Variants in TRIM62 observed in about 807,000 individuals in gnomAD.
TRIM62 encodes tripartite motif containing 62, also known as E3 ubiquitin-protein ligase TRIM62.
TRIM62 carries 39 observed loss-of-function variants against 44.2 expected under a neutral mutation model. The ratio of observed to expected loss-of-function variants is 0.88; its 90% confidence interval spans 0.68 to 1.15. TRIM62 has a LOEUF of 1.15. Among genes scored for constraint, TRIM62 ranks in the 50% most tolerant of loss-of-function variants. TRIM62 has a pLI of 0.00. For synonymous variants in TRIM62, 278 were observed against 292.3 expected (o/e 0.95, Z 0.50); for missense variants, 544 against 665.5 (o/e 0.82, Z 2.01).
In TRIM62 at chr1:33,165,316, T is replaced by C; in HGVS notation, c.504+155A>G. 1.6e-6 allele frequency: 1 copy of C among 630,060 alleles called. No individual in the cohort carries two copies. The highest frequency in any genetic ancestry group is 2.7e-6 in the Non-Finnish European group (1 of 372,568). 39.0% of individuals were successfully genotyped at this position (630,060 alleles called of 1,614,324 possible). On this transcript the variant is annotated intron_variant, in intron 2 of 4. Coordinates refer to ENST00000291416, the MANE Select transcript of TRIM62 (RefSeq NM_018207.3). This position sits in a 1 kb window ranked among gnomAD's most constrained non-coding sequence, Gnocchi z 4.0. ...GAACTTCACGGATGCCCTACCCTCT[T>C]CCCCACCCTGCCCTTCTCACTCCAG...
In TRIM62 at chr1:33,146,096, AAC is replaced by A; in HGVS notation, c.*1079_*1080del. 3.2e-6 allele frequency: 1 copy of A among 315,602 alleles called. No individual in the cohort carries two copies. The highest frequency in any genetic ancestry group is 6.3e-6 in the Non-Finnish European group (1 of 158,678). 19.6% of individuals were successfully genotyped at this position (315,602 alleles called of 1,614,324 possible). A position where few individuals can be genotyped will look rare whatever the true frequency, so the allele number is the denominator to read the frequency against. On this transcript the variant is annotated 3_prime_UTR_variant, in exon 5 of 5. Coordinates refer to ENST00000291416, the MANE Select transcript of TRIM62 (RefSeq NM_018207.3). Reference sequence around the variant, plus strand: ...AGATGGGGGCAGCTTTCCTGGTCACAACAGACATGATGAATCTGGCGCTGGGA... The same window carrying A: ...AGATGGGGGCAGCTTTCCTGGTCACAAGACATGATGAATCTGGCGCTGGGA...
intron 1 of TRIM62, among the ~76,000 whole-genome samples, chr1:33,180,729 C>T (rs982381315): frequency 6.6e-6 from 1 of 152,224 alleles, no homozygotes; most frequent in Middle Eastern, 3.2e-3. Flanking sequence ...TTGTTTCCGC[C>T]ATCCCATCCG....
At position 33,159,122 on chromosome 1, in the gene TRIM62, G is replaced by T. The variant is rs540746653; in HGVS notation, c.761+566C>A. Among the ~76,000 whole-genome samples the T allele has an allele frequency of 6.6e-6, 1 of 152,200 alleles. No homozygotes were observed. The highest frequency in any genetic ancestry group is 6.5e-5 in the Admixed American group (1 of 15,284). ...GGCCTCCCAAAGTGCTGGGATTACA[G>T]GTGTGAGCCACCGTGCCCAGCAGGA... is the stretch of plus-strand genomic sequence containing the variant. On this transcript the variant is annotated intron_variant, in intron 3 of 4. Coordinates refer to ENST00000291416, the MANE Select transcript of TRIM62 (RefSeq NM_018207.3). This position sits in a 1 kb window ranked among gnomAD's most constrained non-coding sequence, Gnocchi z 4.2.
At chr1:33,180,977 A>T (rs1371831185) in intron 1 of TRIM62, 48 bp downstream of exon 1, 6 of 187,378 alleles carry the variant, frequency 3.2e-5, no homozygotes, top group Non-Finnish European at 4.2e-5. Flanking sequence ...GCCCGGCCCC[A>T]CCTCCAGCCC....
intron 4 of TRIM62, among the ~76,000 whole-genome samples, chr1:33,155,235 C>T (rs1278426189): frequency 6.6e-6 from 1 of 151,664 alleles, no homozygotes; most frequent in East Asian, 2.0e-4. Context: ...CCATGCCTGG[C>T]TAATTTTTGT....
In TRIM62 at chr1:33,181,722, T is replaced by G; in HGVS notation, c.-290A>C. The G allele has an allele frequency of 2.3e-6, 1 of 426,450 alleles. No individual in the cohort carries two copies. The highest frequency in any genetic ancestry group is 4.2e-6 in the Non-Finnish European group (1 of 239,416). The allele number at this position is 426,450 out of a possible 1,614,324, so 26.4% of individuals were successfully genotyped here. Reference sequence around the variant, plus strand: ...GCTGTGAGCGGCTGAGGGACGGAGATCCTGACGGGGAGGTTCTAGGGGGCG... The same window carrying G: ...GCTGTGAGCGGCTGAGGGACGGAGAGCCTGACGGGGAGGTTCTAGGGGGCG... On this transcript the variant is annotated 5_prime_UTR_variant, in exon 1 of 5. Coordinates refer to ENST00000291416, the MANE Select transcript of TRIM62 (RefSeq NM_018207.3). This position sits in a 1 kb window ranked among gnomAD's most constrained non-coding sequence, Gnocchi z 6.5.
chr1:33,171,370 C>T (rs1645373624), intron 1 of TRIM62, among the ~76,000 whole-genome samples: 1 of 152,154 alleles, frequency 6.6e-6, no homozygotes, highest in Non-Finnish European at 1.5e-5. Flanking sequence ...TTAGTAGTGT[C>T]TTTATTGCGT....
chr1:33,177,804 C>T lies in TRIM62; in HGVS notation c.408+3221G>A, dbSNP rs1645433879. On this transcript the variant is annotated intron_variant, in intron 1 of 4. Transcript: ENST00000291416. The surrounding 1 kb of genome is among the most constrained non-coding windows in gnomAD (Gnocchi z 4.1). Reference sequence around the variant, plus strand: ...TCAATAATGCCGAGTACGATGTAACCTACTATAGCTGTCATTTATTGAGTG... The same window carrying T: ...TCAATAATGCCGAGTACGATGTAACTTACTATAGCTGTCATTTATTGAGTG... Among the ~76,000 whole-genome samples the T allele has an allele frequency of 6.6e-6, 1 of 152,154 alleles. No homozygotes were observed. Among genetic ancestry groups the T allele is most frequent in the Non-Finnish European group, 1.5e-5 (1 of 68,028 alleles).
chr1:33,172,030 C>T (rs1445451227), intron 1 of TRIM62, among the ~76,000 whole-genome samples: 2 of 152,136 alleles, frequency 1.3e-5, no homozygotes, highest in African/African-American at 4.8e-5. Flanking sequence ...GATCTGCCTA[C>T]CTTGGCCTCC....
intron 4 of TRIM62, among the ~76,000 whole-genome samples, chr1:33,149,675 G>A (rs931385973): frequency 6.6e-6 from 1 of 152,048 alleles, no homozygotes; most frequent in African/African-American, 2.4e-5. Context: ...GGCTGGTCTC[G>A]AACTCCTGGC....
At chr1:33,148,674 A>G (rs190776168) in intron 4 of TRIM62, among the ~76,000 whole-genome samples, 4 of 152,364 alleles carry the variant, frequency 2.6e-5, no homozygotes, top group Admixed American at 2.0e-4. Flanking sequence ...GTATGTATCT[A>G]TGTACATATA....
Position 33,181,181 on chromosome 1 carries a change from G to A in TRIM62, c.252C>T (p.Leu84=). Residue 84 remains leucine (L), a synonymous_variant, in exon 1 of 5, where the codon CTC becomes CTT. Transcript: ENST00000291416. This position sits in a 1 kb window ranked among gnomAD's most constrained non-coding sequence, Gnocchi z 6.5. ...RYSSFPLDAI[L]NARRAARPCQ... is the part of the protein sequence containing the mutation. ...AGGGTCGCGCGGCGCGGCGCGCGTT[G>A]AGGATGGCGTCCAGCGGGAAGGAGC... The A allele has an allele frequency of 6.3e-7, 1 of 1,595,314 alleles. No individual in the cohort carries two copies. Among genetic ancestry groups the A allele is most frequent in the Non-Finnish European group, 8.5e-7 (1 of 1,176,228 alleles).
Position 33,167,494 on chromosome 1 carries a change from G to C in TRIM62, c.409-1928C>G, listed in dbSNP as rs1645338997. ...ATTATCGCCAGTTGTTCTCCTGTCT[G>C]TCTCTTCTTCGTCCCCGTATTGGCC... On this transcript the variant is annotated intron_variant, in intron 1 of 4. Transcript: ENST00000291416. This position sits in a 1 kb window ranked among gnomAD's most constrained non-coding sequence, Gnocchi z 4.2. Among the ~76,000 whole-genome samples the C allele has an allele frequency of 6.6e-6, 1 of 152,186 alleles. No individual in the cohort carries two copies. Among genetic ancestry groups the C allele is most frequent in the African/African-American group, 2.4e-5 (1 of 41,446 alleles).
At position 33,147,154 on chromosome 1, in the gene TRIM62, G is replaced by A. The variant is rs550590243; in HGVS notation, c.*23C>T. ...TTGCAGGTGGCAGTGGTCCCAGGAG[G>A]TTGTGGTCTCCTTCTGCCTGGACTA... On this transcript the variant is annotated 3_prime_UTR_variant, in exon 5 of 5. Transcript: ENST00000291416. This position sits in a 1 kb window ranked among gnomAD's most constrained non-coding sequence, Gnocchi z 8.1. The A allele has an allele frequency of 5.6e-6, 9 of 1,607,466 alleles. No individual in the cohort carries two copies. The South Asian group carries it at 6.6e-5, about 12-fold the overall frequency.
At chr1:33,151,267 A>G (rs1456879834) in intron 4 of TRIM62, among the ~76,000 whole-genome samples, 2 of 152,076 alleles carry the variant, frequency 1.3e-5, no homozygotes, top group Non-Finnish European at 2.9e-5. Context: ...GGATGGGTAC[A>G]GGGCCTGCCA....
chr1:33,161,717 C>T lies in TRIM62; in HGVS notation c.505-1773G>A, dbSNP rs1645270814. ...GATGGGGAAGATGGGGTCCGTCGTC[C>T]CTGCACCACCTGGAGCTGCCCTCCA... On this transcript the variant is annotated intron_variant, in intron 2 of 4. Coordinates refer to ENST00000291416, the MANE Select transcript of TRIM62 (RefSeq NM_018207.3). The surrounding 1 kb of genome is among the most constrained non-coding windows in gnomAD (Gnocchi z 4.3). Among the ~76,000 whole-genome samples, 1 of 152,156 alleles carries T rather than the reference C, an allele frequency of 6.6e-6. No individual in the cohort carries two copies. The highest frequency in any genetic ancestry group is 1.5e-5 in the Non-Finnish European group (1 of 68,018).
At chr1:33,149,023 ACCT>A (rs1279800803) in intron 4 of TRIM62, among the ~76,000 whole-genome samples, 2 of 151,926 alleles carry the variant, frequency 1.3e-5, no homozygotes, top group Non-Finnish European at 2.9e-5. Context: ...GGTTCCCTCC[ACCT>A]CCTCCTCTCT....
intron 3 of TRIM62, among the ~76,000 whole-genome samples, chr1:33,158,837 CT>C (rs998118373): frequency 1.3e-5 from 2 of 150,442 alleles, no homozygotes; most frequent in African/African-American, 4.9e-5. Context: ...CAGTTTTTTT[CT>C]TTTTTTTCTT....
intron 4 of TRIM62, among the ~76,000 whole-genome samples, chr1:33,155,541 T>C (rs919682236): frequency 2.0e-5 from 3 of 152,120 alleles, no homozygotes; most frequent in African/African-American, 7.2e-5. Flanking sequence ...GGTCAGAGAA[T>C]GGCCAGTGAG....
Sources: allele counts gnomAD v4.1 joint callset (sites outside exome capture counted in the v4.1 genomes callset), GRCh38; gene constraint gnomAD v4.1.1; non-coding constraint Gnocchi (gnomAD v3.1); transcripts MANE v1.5; gene names NCBI Gene and HGNC (gene_info 2026-07-23, HGNC 2026-07-21).